Variants in PCDHA4 observed in about 807,000 individuals in gnomAD.
The protein encoded by PCDHA4 is protocadherin alpha 4.
PCDHA4 carries 49 observed loss-of-function variants against 61.4 expected under a neutral mutation model. The ratio of observed to expected loss-of-function variants is 0.80; its 90% CI spans 0.63 to 1.01. The LOEUF (loss-of-function observed/expected upper bound fraction) is 1.01, where lower values mean the gene tolerates loss of function less well. Among genes scored for constraint, PCDHA4 ranks in the 50% least tolerant of loss-of-function variants. PCDHA4 has a pLI of 0.00. For synonymous variants in PCDHA4, 590 were observed against 550.3 expected, an observed-to-expected ratio of 1.07 and a Z score of -1.01; for missense variants, 1,254 against 1,235.8, an observed-to-expected ratio of 1.01 and a Z score of -0.22.
intron 1 of PCDHA4, among the ~76,000 whole-genome samples, chr5:140,934,224 AT>A: frequency 6.6e-6 from 1 of 152,246 alleles, no homozygotes. Context: ...TGTTTAAAAG[AT>A]TTGTACTTAA....
At chr5:140,880,693 T>C (rs2058435381) in intron 1 of PCDHA4, among the ~76,000 whole-genome samples, 1 of 152,222 alleles carries the variant, frequency 6.6e-6, no homozygotes. Context: ...TAGTCATGGT[T>C]AAGTGACAAT....
chr5:140,835,221 T>G (rs2150232030), intron 1 of PCDHA4: 2 of 1,587,286 alleles, frequency 1.3e-6, no homozygotes, highest in Admixed American at 1.8e-5. Context: ...TATTATTTAC[T>G]CCTTCTCCAG....
chr5:141,009,880 C>T lies in PCDHA4; in HGVS notation c.2787C>T (p.Asn929=). ...AAAAGAAGAAAAAGAAGAAGGGTAACAAGACCCAGGAGAAAAAAGAGAAAG... is the reference window on the plus strand; with the variant it reads ...AAAAGAAGAAAAAGAAGAAGGGTAATAAGACCCAGGAGAAAAAAGAGAAAG... The part of the protein sequence containing the change: ...TKKKKKKKKG[N]KTQEKKEKGN... Residue 929 remains asparagine, a synonymous_variant, in exon 4 of 4, where the codon AAC becomes AAT. Transcript: ENST00000530339. 1 of 1,613,788 alleles carries T rather than the reference C, an allele frequency of 6.2e-7. No individual in the cohort carries two copies. The highest frequency in any genetic ancestry group is 8.5e-7 in the Non-Finnish European group (1 of 1,179,974).
chr5:140,815,972 C>A (rs2126668419), intron 1 of PCDHA4: 1 of 152,124 alleles, frequency 6.6e-6, no homozygotes, highest in Non-Finnish European at 1.5e-5. Context: ...TTCTTTTGTA[C>A]GTGATGAGGC....
intron 3 of PCDHA4, among the ~76,000 whole-genome samples, chr5:140,997,684 G>A (rs2097780776): frequency 6.6e-6 from 1 of 152,116 alleles, no homozygotes; most frequent in African/African-American, 2.4e-5. Context: ...GTGTGTGTGT[G>A]TGTGTGTGTG....
chr5:140,908,949 G>A (rs2074237561), intron 1 of PCDHA4, among the ~76,000 whole-genome samples: 1 of 152,144 alleles, frequency 6.6e-6, no homozygotes, highest in South Asian at 2.1e-4. Context: ...CTTCACCTTA[G>A]AAGGAATATC....
At chr5:140,872,095 C>G (rs2053482377) in intron 1 of PCDHA4, among the ~76,000 whole-genome samples, 1 of 152,150 alleles carries the variant, frequency 6.6e-6, no homozygotes, top group African/African-American at 2.4e-5. Context: ...GCACTTAGTC[C>G]ATTGGCTTTC....
At chr5:140,884,871 A>T (rs1193714340) in intron 1 of PCDHA4, among the ~76,000 whole-genome samples, 1 of 152,210 alleles carries the variant, frequency 6.6e-6, no homozygotes, top group Non-Finnish European at 1.5e-5. Context: ...CCATAATGAA[A>T]TGTGCAAAAC....
chr5:140,842,875 C>A (rs2150347019), intron 1 of PCDHA4: 1 of 1,593,980 alleles, frequency 6.3e-7, no homozygotes, highest in Non-Finnish European at 8.6e-7. Flanking sequence ...GCAAGGTGTA[C>A]GCGCTGCAGC....
intron 1 of PCDHA4, chr5:140,871,695 T>A: frequency 1.0e-6 from 1 of 974,906 alleles, no homozygotes; most frequent in Non-Finnish European, 1.5e-6. Context: ...CTGGCTTCTT[T>A]AACCAATAAA....
intron 1 of PCDHA4, chr5:140,927,082 C>G (rs141480000): frequency 6.2e-7 from 1 of 1,611,100 alleles, no homozygotes; most frequent in Non-Finnish European, 8.5e-7. Flanking sequence ...CCACCGCGAG[C>G]TCTACTTCGG....
At chr5:140,921,078 C>A (rs2153559626) in intron 1 of PCDHA4, among the ~76,000 whole-genome samples, 1 of 151,870 alleles carries the variant, frequency 6.6e-6, no homozygotes, top group East Asian at 2.0e-4. Context: ...CTCTTGGGCT[C>A]AAGAGAATCC....
intron 1 of PCDHA4, chr5:140,851,772 A>G (rs1236960091): frequency 1.0e-6 from 1 of 968,722 alleles, no homozygotes; most frequent in Non-Finnish European, 1.2e-6. Context: ...ACCCTTATGA[A>G]TTTAGATGAG....
intron 1 of PCDHA4, among the ~76,000 whole-genome samples, chr5:140,895,848 G>C (rs147299280): frequency 2.2e-3 from 342 of 152,098 alleles, no homozygotes; most frequent in African/African-American, 8.1e-3. Context: ...TCTCACTCTT[G>C]TACCCCAGGC....
At chr5:140,842,235 G>T (rs201880118) in intron 1 of PCDHA4, 1 of 1,612,410 alleles carries the variant, frequency 6.2e-7, no homozygotes, top group Non-Finnish European at 8.5e-7. Context: ...ATAGTGATTC[G>T]GGGTAATTTG....
At chr5:140,850,730 G>T (rs1439103901) in intron 1 of PCDHA4, 3 of 1,597,976 alleles carry the variant, frequency 1.9e-6, no homozygotes, top group Non-Finnish European at 2.6e-6. Flanking sequence ...CTAGCGCGGT[G>T]GGGAGTTGGT....
chr5:140,868,272 A>C (rs1050467999), intron 1 of PCDHA4: 1 of 152,090 alleles, frequency 6.6e-6, no homozygotes, highest in Non-Finnish European at 1.5e-5. Context: ...CTTTTTTAAA[A>C]CTACCAAGTT....
intron 1 of PCDHA4, among the ~76,000 whole-genome samples, chr5:140,923,505 G>C (rs1281972725): frequency 6.6e-6 from 1 of 152,118 alleles, no homozygotes; most frequent in East Asian, 1.9e-4. Context: ...CTCCAGCCTG[G>C]ATGATGAAGT....
At chr5:140,829,107 G>C (rs1554131755) in intron 1 of PCDHA4, 2 of 1,612,092 alleles carry the variant, frequency 1.2e-6, no homozygotes, top group Admixed American at 3.3e-5. Context: ...GTTTTAGTGA[G>C]AATTTTGGAT....
Sources: gnomAD v4.1 joint callset for allele counts (sites outside exome capture counted in the v4.1 genomes callset) on GRCh38, gnomAD v4.1.1 for gene constraint, MANE v1.5 for transcripts, NCBI Gene and HGNC (gene_info 2026-07-23, HGNC 2026-07-21) for gene names.